The following CSMD3 variants were observed in gnomAD, a reference collection of about 807,000 sequenced individuals.
CSMD3 encodes the protein CUB and Sushi multiple domains 3.
In CSMD3, 177 loss-of-function variants were observed where a neutral mutation model predicts 435.2. That is an observed-to-expected ratio of 0.41 (90% CI 0.36 to 0.46). The LOEUF (loss-of-function observed/expected upper bound fraction) is 0.46. CSMD3 is among the 20% of genes least tolerant of loss of function. The pLI is 0.34. For synonymous variants in CSMD3, 1,656 were observed against 1,520.5 expected, an observed-to-expected ratio of 1.09 and a Z score of -2.07; for missense variants, 4,265 against 4,504.6, an observed-to-expected ratio of 0.95 and a Z score of 1.52.
chr8:112,689,711 A>G (rs2076090520), intron 14 of CSMD3, among the ~76,000 whole-genome samples, 157 bp downstream of exon 14: 1 of 152,114 alleles, frequency 6.6e-6, no homozygotes, highest in Admixed American at 6.6e-5. Context: ...AAAATTTATA[A>G]TTTGGCATAA....
rs1223470051 is a variant in CSMD3, at chr8:112,689,950, C to G, written c.2073G>C (p.Gln691His). The G allele has an allele frequency of 1.9e-6, 3 of 1,613,350 alleles. No individual in the cohort carries two copies. The South Asian group carries it at 3.3e-5, about 18-fold the overall frequency. Residue 691 changes from glutamine (Q) to histidine (H), a missense_variant, in exon 14 of 71, where the codon CAG becomes CAC. Physicochemically the swap from Gln to His is conservative, Grantham distance 24. Around this residue, in one of 3 missense-constraint regions of CSMD3, gnomAD observed 279 missense variants for 369.0 expected, o/e 0.76. Coordinates refer to ENST00000297405, the MANE Select transcript of CSMD3 (RefSeq NM_198123.2). Reference sequence around the variant, plus strand: ...TCTCTCCAATTAATTCAAACCCAAACTGGCATTCAAACCTTAAAACATCAC... The same window carrying G: ...TCTCTCCAATTAATTCAAACCCAAAGTGGCATTCAAACCTTAAAACATCAC... ...SNRDVLRFEC[Q>H]FGFELIGEKS...
intron 27 of CSMD3, among the ~76,000 whole-genome samples, chr8:112,522,572 G>C (rs1455190894): frequency 6.6e-6 from 1 of 151,864 alleles, no homozygotes; most frequent in Non-Finnish European, 1.5e-5. Context: ...ATGAATGAAT[G>C]AATGAATAAA....
intron 3 of CSMD3, among the ~76,000 whole-genome samples, chr8:113,203,714 A>AT (rs1563541892): frequency 3.3e-5 from 5 of 152,024 alleles, no homozygotes; most frequent in African/African-American, 7.2e-5. Flanking sequence ...ATCTTTTAAC[A>AT]TTTTTTGACT....
intron 22 of CSMD3, among the ~76,000 whole-genome samples, chr8:112,618,773 G>C (rs1006814848): frequency 6.6e-6 from 1 of 151,890 alleles, no homozygotes; most frequent in Non-Finnish European, 1.5e-5. Flanking sequence ...AGAGAGGAGG[G>C]CTAATACTGA....
At chr8:112,453,001 T>C (rs1471814558) in intron 32 of CSMD3, among the ~76,000 whole-genome samples, 6 of 152,208 alleles carry the variant, frequency 3.9e-5, no homozygotes, top group Non-Finnish European at 8.8e-5. Flanking sequence ...GCGTGTACTG[T>C]GCTCAATGCT....
intron 6 of CSMD3, among the ~76,000 whole-genome samples, chr8:113,017,525 G>A (rs1160983248): frequency 1.3e-5 from 2 of 151,782 alleles, no homozygotes; most frequent in Non-Finnish European, 2.9e-5. Context: ...GAAGCCATTT[G>A]ACCAGAAGAT....
chr8:112,321,206 T>G (rs1189482386), intron 45 of CSMD3, among the ~76,000 whole-genome samples: 2 of 152,164 alleles, frequency 1.3e-5, no homozygotes, highest in African/African-American at 2.4e-5. Flanking sequence ...TAGAAGTTCT[T>G]TATGTACTCA....
intron 24 of CSMD3, among the ~76,000 whole-genome samples, chr8:112,566,516 A>G (rs1829077383): frequency 6.6e-6 from 1 of 152,104 alleles, no homozygotes; most frequent in Non-Finnish European, 1.5e-5. Flanking sequence ...ATTTAGGCAG[A>G]TAGTGAGGGT....
intron 17 of CSMD3, among the ~76,000 whole-genome samples, chr8:112,656,572 C>T (rs966652583): frequency 1.3e-5 from 2 of 151,952 alleles, no homozygotes; most frequent in Non-Finnish European, 1.5e-5. Flanking sequence ...ATGTATTGTT[C>T]CTAAGATTCT....
chr8:112,311,337 T>G (rs566961442), intron 49 of CSMD3, among the ~76,000 whole-genome samples, 171 bp from the exon 50 acceptor site: 1 of 152,326 alleles, frequency 6.6e-6, no homozygotes, highest in Admixed American at 6.5e-5. Context: ...GAAAATGATC[T>G]ACTGACACAA....
At chr8:112,237,642 G>A (rs1440165194) in intron 66 of CSMD3, among the ~76,000 whole-genome samples, 2 of 152,020 alleles carry the variant, frequency 1.3e-5, no homozygotes, top group East Asian at 3.9e-4. Context: ...ACTTATCTTT[G>A]GTCTTTTATG....
chr8:112,323,564 G>C (rs142008190), intron 45 of CSMD3, among the ~76,000 whole-genome samples: 1 of 152,060 alleles, frequency 6.6e-6, no homozygotes, highest in Non-Finnish European at 1.5e-5. Context: ...GATCACACAG[G>C]TAAGATGGTC....
chr8:113,235,592 G>T (rs2093138856), intron 3 of CSMD3, among the ~76,000 whole-genome samples: 1 of 152,104 alleles, frequency 6.6e-6, no homozygotes, highest in Non-Finnish European at 1.5e-5. Flanking sequence ...AATTTTAGGT[G>T]CAAACTTGAT....
At chr8:112,419,010 A>C (rs1206571515) in intron 32 of CSMD3, among the ~76,000 whole-genome samples, 1 of 152,214 alleles carries the variant, frequency 6.6e-6, no homozygotes, top group Non-Finnish European at 1.5e-5. Flanking sequence ...TGTATAAGCG[A>C]ACATTTCAAA....
intron 16 of CSMD3, among the ~76,000 whole-genome samples, chr8:112,670,005 GC>G (rs2075620003): frequency 6.6e-6 from 1 of 152,094 alleles, no homozygotes; most frequent in Admixed American, 6.6e-5. Context: ...TGCCCATGGT[GC>G]AAAAGACAGA....
chr8:113,280,561 G>A (rs1316873605), intron 2 of CSMD3, among the ~76,000 whole-genome samples: 1 of 151,634 alleles, frequency 6.6e-6, no homozygotes. Context: ...TCTTTTCTTG[G>A]TTAATCTTGT....
chr8:113,277,725 C>G (rs531771768), intron 3 of CSMD3, among the ~76,000 whole-genome samples: 1 of 151,880 alleles, frequency 6.6e-6, no homozygotes, highest in Non-Finnish European at 1.5e-5. Context: ...ATCTGATACA[C>G]TATCCCTATG....
At chr8:113,249,793 T>C (rs2132291889) in intron 3 of CSMD3, among the ~76,000 whole-genome samples, 1 of 152,070 alleles carries the variant, frequency 6.6e-6, no homozygotes, top group Non-Finnish European at 1.5e-5. Flanking sequence ...TTTGTGAATC[T>C]TGTTTCCTGA....
intron 1 of CSMD3, among the ~76,000 whole-genome samples, chr8:113,349,404 A>C (rs1429309612): frequency 2.6e-5 from 4 of 152,140 alleles, no homozygotes; most frequent in Non-Finnish European, 5.9e-5. Context: ...GATGTGCTAA[A>C]TGGCATAGAT....
Sources: gnomAD v4.1 joint callset for allele counts (sites outside exome capture counted in the v4.1 genomes callset) on GRCh38, gnomAD v4.1.1 for gene constraint, gnomAD v4.1.1 regional missense constraint, MANE v1.5 for transcripts, NCBI Gene and HGNC (gene_info 2026-07-23, HGNC 2026-07-21) for gene names.